Variants in ITPR2 observed in about 807,000 individuals in gnomAD.
ITPR2 encodes inositol 1,4,5-trisphosphate-gated calcium channel ITPR2.
ITPR2 carries 207 observed loss-of-function variants against 317.1 expected under a neutral mutation model. That is an observed-to-expected ratio of 0.65 (90% CI 0.58 to 0.73). ITPR2 has a LOEUF of 0.73. ITPR2 is among the 30% of genes least tolerant of loss of function. The pLI is 0.00. For missense variants in ITPR2, 2,613 were observed against 3,284.0 expected (o/e 0.80, Z 4.99); for synonymous variants, 1,156 against 1,149.1 (o/e 1.01, Z -0.12).
In ITPR2 at chr12:26,722,460, T is replaced by C. The variant is rs2137044787; in HGVS notation, c.462A>G (p.Ala154=). ...KNAMRVSLDA[A]GNEGSWFYIH... is the part of the protein sequence containing the mutation. ...TATAAAACCAAGACCCTTCATTTCC[T>C]GCAGCATCCAAGGACACACGCATGG... The change falls in exon 5 of 57, where the codon GCA becomes GCG. Residue 154 remains alanine (A), a synonymous_variant. Transcript: ENST00000381340. 2 of 1,613,374 alleles carry C rather than the reference T, an allele frequency of 1.2e-6. No individual in the cohort carries two copies. Among genetic ancestry groups the C allele is most frequent in the Non-Finnish European group, 1.7e-6 (2 of 1,179,510 alleles).
At chr12:26,681,077 A>G (rs1214503313) in intron 13 of ITPR2, among the ~76,000 whole-genome samples, 1 of 152,232 alleles carries the variant, frequency 6.6e-6, no homozygotes, top group Non-Finnish European at 1.5e-5. Context: ...CATGTAGTAG[A>G]TCATGAAGAG....
chr12:26,373,085 T>C (rs958715534), intron 55 of ITPR2, among the ~76,000 whole-genome samples: 8 of 152,172 alleles, frequency 5.3e-5, no homozygotes, highest in Non-Finnish European at 1.0e-4. Context: ...GGAAAGCTGA[T>C]CCACATATGA....
In ITPR2 at chr12:26,773,981, A is replaced by ATTT. The variant is rs34106132; in HGVS notation, c.163+16173_163+16175dup. Among the ~76,000 whole-genome samples, 28 of 91,412 alleles carry ATTT rather than the reference A, an allele frequency of 3.1e-4. 1 individual carries two copies. The highest frequency in any genetic ancestry group is 4.1e-4 in the Non-Finnish European group (19 of 46,852). The allele number at this position is 91,412 out of a possible 152,430, so 60.0% of individuals were successfully genotyped here. A position where few individuals can be genotyped will look rare whatever the true frequency, so the allele number is the denominator to read the frequency against. On this transcript the variant is annotated intron_variant, in intron 2 of 56. Coordinates refer to ENST00000381340, the MANE Select transcript of ITPR2 (RefSeq NM_002223.4). ...CATAGAAACAACATTCAACTGGAGA[A>ATTT]TTTTTTTTTTTTTTTTTTTTTTTTT...
chr12:26,670,003 C>G (rs1318501703), intron 13 of ITPR2, among the ~76,000 whole-genome samples: 1 of 152,232 alleles, frequency 6.6e-6, no homozygotes, highest in Non-Finnish European at 1.5e-5. Context: ...GGGAGGGGTG[C>G]CCGCCATTGC....
intron 43 of ITPR2, among the ~76,000 whole-genome samples, chr12:26,478,420 A>C (rs982817315): frequency 2.0e-5 from 3 of 152,110 alleles, no homozygotes; most frequent in African/African-American, 7.2e-5. Context: ...GAGAGCTTAA[A>C]TCCTAGGAGT....
chr12:26,516,185 G>T (rs1459204011), intron 37 of ITPR2, among the ~76,000 whole-genome samples: 6 of 117,584 alleles, frequency 5.1e-5, no homozygotes, highest in African/African-American at 1.8e-4. Flanking sequence ...GGAGGGGAGG[G>T]GAGGCGGGGG....
At chr12:26,349,995 C>T (rs1246883596) in intron 55 of ITPR2, among the ~76,000 whole-genome samples, 2 of 152,190 alleles carry the variant, frequency 1.3e-5, no homozygotes, top group Non-Finnish European at 2.9e-5. Flanking sequence ...TCTATAACCC[C>T]TGGCTTTATA....
At chr12:26,708,802 A>T (rs1948599646) in intron 9 of ITPR2, among the ~76,000 whole-genome samples, 1 of 152,234 alleles carries the variant, frequency 6.6e-6, no homozygotes, top group Non-Finnish European at 1.5e-5. Context: ...GCCTGAGGTG[A>T]CCAATATCCC....
rs879291062 is a variant in ITPR2, at chr12:26,768,571, T to TAAAAAAAAAA, written c.163+21576_163+21585dup. Among the ~76,000 whole-genome samples the TAAAAAAAAAA allele has an allele frequency of 2.1e-5, 2 of 96,164 alleles. 1 individual carries two copies. The highest frequency in any genetic ancestry group is 1.2e-4 in the African/African-American group (2 of 16,696). The allele number at this position is 96,164 out of a possible 152,430, so 63.1% of individuals were successfully genotyped here. ...TCAAATGGATGAATACAAATATATA[T>TAAAAAAAAAA]AAAAAAAAAAAAAAAAAAAAAAAAA... On this transcript the variant is annotated intron_variant, in intron 2 of 56. Transcript: ENST00000381340.
At chr12:26,548,990 G>A (rs553015817) in intron 37 of ITPR2, among the ~76,000 whole-genome samples, 58 of 152,280 alleles carry the variant, frequency 3.8e-4, no homozygotes, top group South Asian at 1.9e-3. Flanking sequence ...TGTACCTCCT[G>A]TTAAGTGCAA....
intron 45 of ITPR2, among the ~76,000 whole-genome samples, chr12:26,455,130 C>T (rs988444028): frequency 1.3e-5 from 2 of 151,710 alleles, no homozygotes; most frequent in African/African-American, 4.8e-5. Context: ...CTCAGGAATC[C>T]AATCTGAAGT....
chr12:26,376,816 C>T (rs1939361301), intron 55 of ITPR2, among the ~76,000 whole-genome samples: 1 of 152,042 alleles, frequency 6.6e-6, no homozygotes, highest in East Asian at 1.9e-4. Flanking sequence ...GCAACCTCCA[C>T]TTCCTGTTCT....
chr12:26,749,572 G>T (rs1322210336), intron 2 of ITPR2, among the ~76,000 whole-genome samples: 1 of 152,104 alleles, frequency 6.6e-6, no homozygotes, highest in East Asian at 1.9e-4. Context: ...ATGATCACAG[G>T]ATTATGTTCG....
intron 39 of ITPR2, among the ~76,000 whole-genome samples, chr12:26,491,055 G>C (rs988031532): frequency 1.3e-5 from 2 of 152,322 alleles, no homozygotes; most frequent in African/African-American, 4.8e-5. Flanking sequence ...AAGGATGGAG[G>C]AGGCAAGAGG....
chr12:26,487,810 G>A (rs1391655832), intron 39 of ITPR2, among the ~76,000 whole-genome samples: 1 of 152,092 alleles, frequency 6.6e-6, no homozygotes, highest in Non-Finnish European at 1.5e-5. Flanking sequence ...CATTTAATTT[G>A]GAAAGTGTTA....
chr12:26,369,091 A>G (rs1418795769), intron 55 of ITPR2, among the ~76,000 whole-genome samples: 6 of 152,230 alleles, frequency 3.9e-5, no homozygotes, highest in Non-Finnish European at 8.8e-5. Context: ...CCTTAGGTAG[A>G]AACAAGCTTG....
At position 26,439,198 on chromosome 12, in the gene ITPR2, C is replaced by T; in HGVS notation, c.6572G>A (p.Ser2191Asn). 1 of 1,613,042 alleles carries T rather than the reference C, an allele frequency of 6.2e-7. No homozygotes were observed. Among genetic ancestry groups the T allele is most frequent in the Non-Finnish European group, 8.5e-7 (1 of 1,179,438 alleles). Reference sequence around the variant, plus strand: ...TTGCTGGAAAAAGTCATTCACTTTACTTCCTTGTTCATCCCTTTCAGTTGT... The same window carrying T: ...TTGCTGGAAAAAGTCATTCACTTTATTTCCTTGTTCATCCCTTTCAGTTGT... ...FNTTERDEQGSKVNDFFQQTE... is the reference protein window; with the variant it reads ...FNTTERDEQGNKVNDFFQQTE... The change falls in exon 47 of 57, where the codon AGT (serine) becomes AAT (asparagine). Residue 2191 changes from serine to asparagine, a missense_variant. Ser to Asn is a conservative substitution (Grantham distance 46). Around this residue, in one of 9 missense-constraint regions of ITPR2, gnomAD observed 926 missense variants for 1,072.8 expected, o/e 0.86. Coordinates refer to ENST00000381340, the MANE Select transcript of ITPR2 (RefSeq NM_002223.4).
intron 11 of ITPR2, among the ~76,000 whole-genome samples, chr12:26,685,884 C>T (rs1286055361): frequency 1.3e-5 from 2 of 152,222 alleles, no homozygotes; most frequent in East Asian, 3.8e-4. Flanking sequence ...AGAGAGGCCA[C>T]AGTTGAACAC....
chr12:26,467,209 C>G (rs1221723331), intron 45 of ITPR2, among the ~76,000 whole-genome samples: 2 of 152,022 alleles, frequency 1.3e-5, no homozygotes, highest in African/African-American at 4.8e-5. Context: ...ATAGCTCAAG[C>G]AATTGTAGTT....
Sources: allele counts gnomAD v4.1 joint callset (sites outside exome capture counted in the v4.1 genomes callset), GRCh38; gene constraint gnomAD v4.1.1; regional missense constraint gnomAD v4.1.1; transcripts MANE v1.5; gene names NCBI Gene and HGNC (gene_info 2026-07-23, HGNC 2026-07-21).